COMMD5: variants seen among roughly 807,000 people sequenced by gnomAD.
The protein encoded by COMMD5 is COMM domain containing 5, also known as COMM domain-containing protein 5.
Under a neutral mutation model 6.9 loss-of-function variants are expected in COMMD5, and 10 were observed. That is an observed-to-expected ratio of 1.44 (90% CI 0.89 to 2.45). The LOEUF is 2.45. Among genes scored for constraint, COMMD5 ranks in the 30% most tolerant of loss-of-function variants. COMMD5 has a pLI of 0.00. For missense variants in COMMD5, 234 were observed against 287.8 expected (o/e 0.81, Z 1.35); for synonymous variants, 127 against 125.3 (o/e 1.01, Z -0.09).
chr8:144,843,078 C>G (rs145249149), intron 1 of COMMD5: 1 of 1,613,340 alleles, frequency 6.2e-7, no homozygotes, highest in Non-Finnish European at 8.5e-7. Flanking sequence ...GAATTCACAC[C>G]GGGGAGAAGC....
In COMMD5 at chr8:144,850,450, A is replaced by G; in HGVS notation, c.*214T>C. ...TGTGAGGTCCAACACTCACCTATAG[A>G]AACATGTTTTTAGCTGCTTTACTTC... is the stretch of plus-strand genomic sequence containing the variant. On this transcript the variant is annotated 3_prime_UTR_variant, in exon 2 of 2. Coordinates refer to ENST00000305103, the MANE Select transcript of COMMD5 (RefSeq NM_014066.4). This position sits in a 1 kb window ranked among gnomAD's most constrained non-coding sequence, Gnocchi z 4.0. 1 of 592,396 alleles carries G rather than the reference A, an allele frequency of 1.7e-6. No individual in the cohort carries two copies. Among genetic ancestry groups the G allele is most frequent in the South Asian group, 2.3e-5 (1 of 44,128 alleles). The allele number at this position is 592,396 out of a possible 1,614,324, so 36.7% of individuals were successfully genotyped here.
chr8:144,840,619 G>A (rs941753066), downstream of COMMD5, among the ~76,000 whole-genome samples: 2 of 152,218 alleles, frequency 1.3e-5, no homozygotes, highest in African/African-American at 2.4e-5. Flanking sequence ...ACAGAAGCCT[G>A]TGCTTACTTG....
chr8:144,849,574 T>A (rs1170163854), downstream of COMMD5, among the ~76,000 whole-genome samples: 2 of 152,018 alleles, frequency 1.3e-5, no homozygotes. Context: ...GGTCCAGAAG[T>A]GCTCCACGGA....
At chr8:144,842,732 T>C in intron 1 of COMMD5, 2 of 1,613,506 alleles carry the variant, frequency 1.2e-6, no homozygotes, top group African/African-American at 2.7e-5. Context: ...CAGCTTACAA[T>C]ACATCAAAGG....
chr8:144,846,323 A>G (rs1830509427), downstream of COMMD5: 4 of 744,388 alleles, frequency 5.4e-6, no homozygotes, highest in Non-Finnish European at 8.4e-6. Context: ...GGGGCTGGCA[A>G]ACCATTCGTA....
chr8:144,838,108 T>C, downstream of COMMD5: 1 of 703,004 alleles, frequency 1.4e-6, no homozygotes, highest in East Asian at 2.7e-5. Context: ...TCCGGGCAGC[T>C]GGTGGTTTTC....
rs1414632047 is a variant in COMMD5 at position 144,850,556 on chromosome 8, C to T, written c.*108G>A. 2 of 1,179,088 alleles carry T rather than the reference C, an allele frequency of 1.7e-6. No individual in the cohort carries two copies. Among genetic ancestry groups the T allele is most frequent in the East Asian group, 5.0e-5 (2 of 39,940 alleles). The allele number at this position is 1,179,088 out of a possible 1,614,324, so 73.0% of individuals were successfully genotyped here. A position where few individuals can be genotyped will look rare whatever the true frequency, so the allele number is the denominator to read the frequency against. On this transcript the variant is annotated 3_prime_UTR_variant, in exon 2 of 2. Transcript: ENST00000305103. The surrounding 1 kb of genome is among the most constrained non-coding windows in gnomAD (Gnocchi z 4.0). ...TACGTTCAAACACTCACTGAAGAGC[C>T]TGCCTCATGGGAAGGGCAGGGCTGT...
chr8:144,851,311 A>G lies in COMMD5; in HGVS notation c.28T>C (p.Tyr10His). 6.2e-7 allele frequency: 1 copy of G among 1,612,574 alleles called. No individual in the cohort carries two copies. Among genetic ancestry groups the G allele is most frequent in the East Asian group, 2.2e-5 (1 of 44,818 alleles). ...TGACTATCACCAGGATGATGCAGGT[A>G]TGGAGTTGCAGCCCCCACAGCAGAC... Reference protein sequence around the residue: MSAVGAATPYLHHPGDSHSG... With the variant: MSAVGAATPHLHHPGDSHSG... Residue 10 changes from tyrosine (Y) to histidine (H), a missense_variant, in exon 2 of 2, where the codon TAC becomes CAC. Physicochemically the swap from Tyr to His is moderately conservative, Grantham distance 83. Coordinates refer to ENST00000305103, the MANE Select transcript of COMMD5 (RefSeq NM_014066.4).
At chr8:144,840,157 C>T (rs1291013567), downstream of COMMD5, among the ~76,000 whole-genome samples, 2 of 152,190 alleles carry the variant, frequency 1.3e-5, no homozygotes, top group Non-Finnish European at 2.9e-5. Flanking sequence ...CAAGCAAGCC[C>T]TGTTGAAAGA....
chr8:144,840,672 G>T (rs1363236859), downstream of COMMD5, among the ~76,000 whole-genome samples: 1 of 152,118 alleles, frequency 6.6e-6, no homozygotes, highest in Non-Finnish European at 1.5e-5. Context: ...GCCTCCTGGG[G>T]GCCTCCAGAA....
chr8:144,846,225 A>G (rs764568225), downstream of COMMD5: 7 of 1,511,540 alleles, frequency 4.6e-6, no homozygotes, highest in South Asian at 8.5e-5. Flanking sequence ...CTTTTCACTA[A>G]CAGCAACCAG....
intron 1 of COMMD5, among the ~76,000 whole-genome samples, chr8:144,844,726 A>AC (rs1245650751): frequency 1.6e-5 from 1 of 60,784 alleles, no homozygotes; most frequent in Non-Finnish European, 3.7e-5. Flanking sequence ...AAAAAAAAAA[A>AC]AAAAAAAAAA....
intron 1 of COMMD5, among the ~76,000 whole-genome samples, chr8:144,845,036 G>A (rs1830436365): frequency 6.6e-6 from 1 of 152,132 alleles, no homozygotes; most frequent in Non-Finnish European, 1.5e-5. Context: ...ACAGGGGCAG[G>A]GTCAGGGAGG....
downstream of COMMD5, among the ~76,000 whole-genome samples, chr8:144,840,142 A>C (rs1829686591): frequency 6.6e-6 from 1 of 152,096 alleles, no homozygotes; most frequent in South Asian, 2.1e-4. Flanking sequence ...GCTTGGGAGG[A>C]GTGTCAAGCA....
At chr8:144,841,237 C>G in exon 2 of COMMD5, 1 of 1,012,940 alleles carries the variant, frequency 9.9e-7, no homozygotes, top group Non-Finnish European at 1.4e-6. Flanking sequence ...CCACCTGGGG[C>G]CTCACAGTGC....
downstream of COMMD5, among the ~76,000 whole-genome samples, chr8:144,849,314 T>A (rs1830637287): frequency 1.3e-5 from 2 of 152,028 alleles, no homozygotes; most frequent in South Asian, 4.1e-4. Flanking sequence ...CAAAGCTGAG[T>A]GATCGACCAG....
At chr8:144,838,269 G>A (rs1037952647), downstream of COMMD5, 9 of 613,156 alleles carry the variant, frequency 1.5e-5, no homozygotes, top group Non-Finnish European at 2.7e-5. Context: ...CCACCCCAGT[G>A]ACCTCATGGT....
intron 1 of COMMD5, among the ~76,000 whole-genome samples, chr8:144,844,703 CTG>C (rs1429172632): frequency 1.9e-5 from 2 of 105,108 alleles, no homozygotes; most frequent in East Asian, 6.4e-4. Context: ...GAGTGTGACT[CTG>C]TATCAAAAAA....
chr8:144,846,907 G>T (rs552250642), downstream of COMMD5: 3 of 152,112 alleles, frequency 2.0e-5, no homozygotes, highest in Non-Finnish European at 4.4e-5. Context: ...CACTGTGTTA[G>T]CCAGCTGGTC....
Sources: allele counts gnomAD v4.1 joint callset (sites outside exome capture counted in the v4.1 genomes callset), GRCh38; gene constraint gnomAD v4.1.1; non-coding constraint Gnocchi (gnomAD v3.1); transcripts MANE v1.5; gene names NCBI Gene and HGNC (gene_info 2026-07-23, HGNC 2026-07-21).